GAS2: variants seen among roughly 807,000 people sequenced by gnomAD.
The protein encoded by GAS2 is growth arrest-specific protein 2.
Under a neutral mutation model 37.5 loss-of-function variants are expected in GAS2, and 20 were observed. The ratio of observed to expected loss-of-function variants is 0.53; its 90% CI spans 0.37 to 0.77. GAS2 has a LOEUF of 0.77. Ranked by LOEUF, GAS2 falls within the 30% of genes least tolerant of loss-of-function variation. The pLI, the probability that GAS2 is intolerant of heterozygous loss-of-function variation, is 0.00. For synonymous variants in GAS2, 144 were observed against 132.2 expected (o/e 1.09, Z -0.61); for missense variants, 336 against 373.4 (o/e 0.90, Z 0.82).
intron 1 of GAS2, among the ~76,000 whole-genome samples, chr11:22,651,712 A>G (rs1030397674): frequency 2.0e-5 from 3 of 152,120 alleles, no homozygotes; most frequent in Non-Finnish European, 2.9e-5. Flanking sequence ...TGATGGCATC[A>G]GCTCCTGAGG....
intron 1 of GAS2, among the ~76,000 whole-genome samples, chr11:22,660,638 T>A (rs57810689): frequency 6.6e-6 from 1 of 152,168 alleles, no homozygotes; most frequent in Non-Finnish European, 1.5e-5. Flanking sequence ...AAATCTGGAC[T>A]CCAGATTACT....
intron 4 of GAS2, among the ~76,000 whole-genome samples, chr11:22,727,867 G>A (rs1341209918): frequency 6.6e-6 from 1 of 151,902 alleles, no homozygotes; most frequent in Non-Finnish European, 1.5e-5. Flanking sequence ...TTATAGGAAG[G>A]GGGTGTAAAA....
At chr11:22,750,867 C>G (rs1325317702) in intron 6 of GAS2, among the ~76,000 whole-genome samples, 2 of 151,444 alleles carry the variant, frequency 1.3e-5, no homozygotes, top group African/African-American at 4.9e-5. Flanking sequence ...TTTTTAAATG[C>G]CTTATAGTCA....
intron 1 of GAS2, among the ~76,000 whole-genome samples, chr11:22,641,222 G>A (rs1168024206): frequency 2.3e-5 from 3 of 131,874 alleles, no homozygotes; most frequent in African/African-American, 8.1e-5. Context: ...ATATATATGT[G>A]TGTGTGTATA....
intron 3 of GAS2, among the ~76,000 whole-genome samples, chr11:22,720,778 C>A (rs1190669658): frequency 1.3e-5 from 2 of 152,128 alleles, no homozygotes; most frequent in Middle Eastern, 3.4e-3. Context: ...ATGACTCAAA[C>A]TTTTGTGAAG....
At chr11:22,773,053 A>G (rs1049031578) in intron 7 of GAS2, among the ~76,000 whole-genome samples, 1 of 152,144 alleles carries the variant, frequency 6.6e-6, no homozygotes. Context: ...GAGTGCTAAG[A>G]GGTTCAGGCT....
At chr11:22,747,298 A>G (rs1014086038) in intron 5 of GAS2, among the ~76,000 whole-genome samples, 3 of 152,156 alleles carry the variant, frequency 2.0e-5, no homozygotes, top group African/African-American at 7.2e-5. Context: ...ACAGACAGTG[A>G]TCTCTACCAC....
intron 1 of GAS2, among the ~76,000 whole-genome samples, chr11:22,641,987 T>G (rs540121725): frequency 6.6e-6 from 1 of 152,244 alleles, no homozygotes; most frequent in African/African-American, 2.4e-5. Flanking sequence ...TTTCTTACAG[T>G]GTGGGAAATG....
chr11:22,713,054 G>A (rs1415680924), intron 3 of GAS2, among the ~76,000 whole-genome samples: 1 of 130,444 alleles, frequency 7.7e-6, no homozygotes, highest in Non-Finnish European at 1.6e-5. Flanking sequence ...TCAGCAGGGT[G>A]AGACTGTGTC....
In GAS2 at chr11:22,789,457, C is replaced by CTT. The variant is rs71037529; in HGVS notation, c.724-22320_724-22319dup. On this transcript the variant is annotated intron_variant, in intron 7 of 7. Coordinates refer to ENST00000454584, the MANE Select transcript of GAS2 (RefSeq NM_001143830.3). ...ATATATATATATATATATATATATT[C>CTT]TTTTTTTTTTTTTTTTTTTTTTGAG... Among the ~76,000 whole-genome samples, 275 of 31,408 alleles carry CTT rather than the reference C, an allele frequency of 8.8e-3. 52 individuals are homozygous for CTT. The highest frequency in any genetic ancestry group is 0.026 in the Middle Eastern group (1 of 38). The allele number at this position is 31,408 out of a possible 152,430, so 20.6% of individuals were successfully genotyped here.
At chr11:22,641,335 T>TATATATA (rs1324130738) in intron 1 of GAS2, among the ~76,000 whole-genome samples, 1 of 146,928 alleles carries the variant, frequency 6.8e-6, no homozygotes, top group Non-Finnish European at 1.5e-5. Context: ...TATATATATA[T>TATATATA]TTATATATGT....
intron 7 of GAS2, among the ~76,000 whole-genome samples, chr11:22,787,609 G>A (rs1025120007): frequency 2.0e-5 from 3 of 152,088 alleles, no homozygotes; most frequent in Non-Finnish European, 2.9e-5. Flanking sequence ...AAAAAGATCA[G>A]CTAAATAGTT....
intron 1 of GAS2, among the ~76,000 whole-genome samples, chr11:22,654,316 T>C (rs1254701927): frequency 1.3e-5 from 2 of 152,154 alleles, no homozygotes; most frequent in Non-Finnish European, 2.9e-5. Flanking sequence ...TAAACCCCTC[T>C]AGTTGAAATT....
intron 6 of GAS2, 176 bp from the exon 7 acceptor site, chr11:22,755,670 G>T (rs183997646): frequency 2.0e-6 from 1 of 512,636 alleles, no homozygotes; most frequent in Admixed American, 3.6e-5. Flanking sequence ...ATGTCTTTGG[G>T]GCCTGAACTT....
chr11:22,688,364 C>A (rs534680066), intron 3 of GAS2: 182 of 152,114 alleles, frequency 1.2e-3, no homozygotes, highest in African/African-American at 4.2e-3. Context: ...TACGGCCATA[C>A]CACCCTGAAC....
At chr11:22,755,324 A>C (rs925543676) in intron 6 of GAS2, among the ~76,000 whole-genome samples, 1 of 152,106 alleles carries the variant, frequency 6.6e-6, no homozygotes, top group African/African-American at 2.4e-5. Flanking sequence ...ATTAATTCTT[A>C]GAGAAAATCT....
intron 1 of GAS2, among the ~76,000 whole-genome samples, chr11:22,661,509 A>C (rs2133845830): frequency 6.6e-6 from 1 of 152,324 alleles, no homozygotes; most frequent in African/African-American, 2.4e-5. Flanking sequence ...AAATAAAAGA[A>C]ATAGCAAAGT....
chr11:22,765,640 G>A (rs575830842), intron 7 of GAS2, among the ~76,000 whole-genome samples: 21 of 152,066 alleles, frequency 1.4e-4, no homozygotes, highest in South Asian at 4.2e-4. Context: ...TTAGCCTGGC[G>A]TGGTGGCAGG....
At chr11:22,771,631 C>A (rs957747952) in intron 7 of GAS2, among the ~76,000 whole-genome samples, 1 of 152,076 alleles carries the variant, frequency 6.6e-6, no homozygotes, top group Non-Finnish European at 1.5e-5. Context: ...ATAATTATAT[C>A]TAGAAAGCAC....
Sources: allele counts gnomAD v4.1 joint callset (sites outside exome capture counted in the v4.1 genomes callset), GRCh38; gene constraint gnomAD v4.1.1; transcripts MANE v1.5; gene names NCBI Gene and HGNC (gene_info 2026-07-23, HGNC 2026-07-21).